The following SDHC variants were observed in gnomAD, a reference collection of about 807,000 sequenced individuals.
The protein encoded by SDHC is succinate dehydrogenase cytochrome b560 subunit, mitochondrial.
Under a neutral mutation model 22.6 loss-of-function variants are expected in SDHC, and 11 were observed. That is an observed-to-expected ratio of 0.49 (90% confidence interval 0.31 to 0.81). The LOEUF (loss-of-function observed/expected upper bound fraction) is 0.81, where lower values mean the gene tolerates loss of function less well. SDHC is among the 30% of genes least tolerant of loss of function. The pLI, the probability that SDHC is intolerant of heterozygous loss-of-function variation, is 0.05. For missense variants in SDHC, 160 were observed against 212.0 expected (o/e 0.75, Z 1.52); for synonymous variants, 80 against 77.8 (o/e 1.03, Z -0.15).
At chr1:161,341,704 A>G (rs1671722629) in intron 4 of SDHC, among the ~76,000 whole-genome samples, 1 of 152,228 alleles carries the variant, frequency 6.6e-6, no homozygotes, top group Non-Finnish European at 1.5e-5. Flanking sequence ...GCCTTATAGC[A>G]TACTTTGCTC....
intron 4 of SDHC, among the ~76,000 whole-genome samples, chr1:161,352,117 G>GA: frequency 6.6e-6 from 1 of 152,228 alleles, no homozygotes; most frequent in South Asian, 2.1e-4. Context: ...GCTGTTAGAG[G>GA]ACTCTCTGAG....
At chr1:161,323,947 C>T (rs1003079489) in intron 2 of SDHC, among the ~76,000 whole-genome samples, 1 of 152,140 alleles carries the variant, frequency 6.6e-6, no homozygotes, top group East Asian at 1.9e-4. Flanking sequence ...CCGCCCGCCT[C>T]GGCCTCCCAA....
At chr1:161,352,218 A>T (rs1408964895) in intron 4 of SDHC, among the ~76,000 whole-genome samples, 2 of 152,194 alleles carry the variant, frequency 1.3e-5, no homozygotes. Flanking sequence ...TTTAATTCTC[A>T]TATGTTTTTC....
chr1:161,351,946 T>C (rs1421342663), intron 4 of SDHC, among the ~76,000 whole-genome samples: 2 of 152,202 alleles, frequency 1.3e-5, no homozygotes, highest in Admixed American at 6.5e-5. Flanking sequence ...GAAGTGACAA[T>C]AGGACTTGCT....
rs150006996 is a variant in SDHC, at chr1:161,347,340, C to T, written c.241+6685C>T. Reference sequence around the variant, plus strand: ...CACGATCTCGGCTCACTGCAACCTCCGCCTGCCAGGTTAGAGAAATTTTCT... The same window carrying T: ...CACGATCTCGGCTCACTGCAACCTCTGCCTGCCAGGTTAGAGAAATTTTCT... On this transcript the variant is annotated intron_variant, in intron 4 of 5. Coordinates refer to ENST00000367975, the MANE Select transcript of SDHC (RefSeq NM_003001.5). 2.0e-4 allele frequency among the ~76,000 whole-genome samples: 31 copies of T among 152,078 alleles called. 1 individual carries two copies. The East Asian group carries it at 6.0e-3, about 30-fold the overall frequency.
intron 3 of SDHC, among the ~76,000 whole-genome samples, chr1:161,331,842 G>A (rs760581128): frequency 2.6e-5 from 4 of 152,014 alleles, no homozygotes; most frequent in Non-Finnish European, 5.9e-5. Flanking sequence ...TGATCTGCCC[G>A]CCCTGGCCTC....
chr1:161,320,554 C>A (rs530242374), intron 1 of SDHC, among the ~76,000 whole-genome samples: 1 of 151,866 alleles, frequency 6.6e-6, no homozygotes, highest in East Asian at 1.9e-4. Flanking sequence ...TTCCAGAAAT[C>A]AAATTTATTT....
chr1:161,338,675 T>C (rs1671585682), intron 3 of SDHC, among the ~76,000 whole-genome samples: 1 of 152,208 alleles, frequency 6.6e-6, no homozygotes, highest in Non-Finnish European at 1.5e-5. Flanking sequence ...AGGTAACTTA[T>C]TAGGAAATAA....
chr1:161,360,032 T>G (rs61462029), intron 5 of SDHC, among the ~76,000 whole-genome samples: 6 of 138,416 alleles, frequency 4.3e-5, no homozygotes, highest in African/African-American at 1.2e-4. Flanking sequence ...ATCTTGATTT[T>G]TTTTTTTTTT....
chr1:161,317,221 G>T (rs897101613), intron 1 of SDHC, among the ~76,000 whole-genome samples: 12 of 151,854 alleles, frequency 7.9e-5, no homozygotes, highest in African/African-American at 2.9e-4. Flanking sequence ...GTAGAGACGG[G>T]GTTTCACCAT....
At chr1:161,315,231 A>G (rs770687612) in intron 1 of SDHC, among the ~76,000 whole-genome samples, 44 of 152,202 alleles carry the variant, frequency 2.9e-4, no homozygotes, top group Admixed American at 9.8e-4. Flanking sequence ...ATTGTTTGTT[A>G]TGGAAAGTTA....
chr1:161,344,462 G>GAA lies in SDHC; in HGVS notation c.241+3816_241+3817dup, dbSNP rs5778205. ...CAGCAAGACCCTATCTCAAAAAAAA[G>GAA]AAAAAAAAAAGAAAAAAGTTGTTTT... On this transcript the variant is annotated intron_variant, in intron 4 of 5. Transcript: ENST00000367975. Among the ~76,000 whole-genome samples, 11 of 146,422 alleles carry GAA rather than the reference G, an allele frequency of 7.5e-5. 1 individual carries two copies. The South Asian group carries it at 1.5e-3, about 20-fold the overall frequency.
At position 161,314,665 on chromosome 1, in the gene SDHC, C is replaced by T. The variant is rs1670537810; in HGVS notation, c.20+240C>T. ...ATCGAGGGGCCCTCGGCTCTCGCCC[C>T]TTCTGTTTTCCCCACCTCCTCTAGT... On this transcript the variant is annotated intron_variant, in intron 1 of 5. Coordinates refer to ENST00000367975, the MANE Select transcript of SDHC (RefSeq NM_003001.5). 6.8e-6 allele frequency: 4 copies of T among 589,298 alleles called. 1 individual carries two copies. Among genetic ancestry groups the T allele is most frequent in the South Asian group, 6.2e-5 (3 of 48,242 alleles). The allele number at this position is 589,298 out of a possible 1,614,324, so 36.5% of individuals were successfully genotyped here.
intron 3 of SDHC, among the ~76,000 whole-genome samples, chr1:161,334,724 C>A (rs1419980160): frequency 6.6e-6 from 1 of 152,142 alleles, no homozygotes; most frequent in Non-Finnish European, 1.5e-5. Context: ...CGGCTCACTC[C>A]CTCTTTATCT....
At chr1:161,330,752 C>A (rs770434394) in intron 3 of SDHC, among the ~76,000 whole-genome samples, 1 of 152,128 alleles carries the variant, frequency 6.6e-6, no homozygotes, top group Non-Finnish European at 1.5e-5. Context: ...GTAATCCTAG[C>A]ACTTTGGGAG....
intron 5 of SDHC, among the ~76,000 whole-genome samples, chr1:161,360,530 T>C (rs1386993901): frequency 1.4e-5 from 2 of 144,966 alleles, no homozygotes; most frequent in Non-Finnish European, 3.0e-5. Flanking sequence ...CACTCCAGCC[T>C]AGGTGACAAA....
intron 1 of SDHC, among the ~76,000 whole-genome samples, chr1:161,319,334 A>C (rs1275994802): frequency 6.6e-6 from 1 of 152,232 alleles, no homozygotes. Flanking sequence ...TTAATTATTA[A>C]ACCACATAAG....
At chr1:161,327,072 G>A (rs907695482) in intron 2 of SDHC, among the ~76,000 whole-genome samples, 4 of 152,018 alleles carry the variant, frequency 2.6e-5, no homozygotes, top group Non-Finnish European at 5.9e-5. Flanking sequence ...CTGCAAGCTC[G>A]GACCATCATG....
Position 161,334,715 on chromosome 1 carries a change from G to A in SDHC, c.180-5879G>A, listed in dbSNP as rs191524279. Among the ~76,000 whole-genome samples the A allele has an allele frequency of 6.3e-4, 95 of 151,938 alleles. 2 individuals are homozygous for A. In the East Asian group the frequency reaches 0.016, roughly 25 times the overall value. ...CGGCCTCCCAAAGTTCTGGGATTACGGCTCACTCCCTCTTTATCTTAAGGT... is the reference window on the plus strand; with the variant it reads ...CGGCCTCCCAAAGTTCTGGGATTACAGCTCACTCCCTCTTTATCTTAAGGT... On this transcript the variant is annotated intron_variant, in intron 3 of 5. Transcript: ENST00000367975.
Sources: gnomAD v4.1 joint callset for allele counts (sites outside exome capture counted in the v4.1 genomes callset) on GRCh38, gnomAD v4.1.1 for gene constraint, MANE v1.5 for transcripts, NCBI Gene and HGNC (gene_info 2026-07-23, HGNC 2026-07-21) for gene names.